PRRX1: variants seen among roughly 807,000 people sequenced by gnomAD.
The protein encoded by PRRX1 is paired related homeobox 1, also known as paired mesoderm homeobox protein 1.
PRRX1 carries 8 observed loss-of-function variants against 24.0 expected under a neutral mutation model. The observed-to-expected ratio is 0.33, with a 90% confidence interval of 0.20 to 0.60. The LOEUF is 0.60. Ranked by LOEUF, PRRX1 falls within the 20% of genes least tolerant of loss-of-function variation. The pLI, the probability that PRRX1 is intolerant of heterozygous loss-of-function variation, is 0.82. For missense variants in PRRX1, 281 were observed against 322.4 expected, an observed-to-expected ratio of 0.87 and a Z score of 0.98; for synonymous variants, 160 against 131.7, an observed-to-expected ratio of 1.22 and a Z score of -1.47.
chr1:170,709,183 G>T (rs1052849071), intron 1 of PRRX1, among the ~76,000 whole-genome samples: 1 of 152,164 alleles, frequency 6.6e-6, no homozygotes, highest in Admixed American at 6.5e-5. Flanking sequence ...GCTGGATGAA[G>T]AATAGTGAGA....
At chr1:170,689,969 A>C (rs1437384067) in intron 1 of PRRX1, among the ~76,000 whole-genome samples, 1 of 151,630 alleles carries the variant, frequency 6.6e-6, no homozygotes, top group Non-Finnish European at 1.5e-5. Context: ...ATTTTGTCTG[A>C]GAAAGACTGG....
At chr1:170,719,082 T>C (rs1383342988) in intron 1 of PRRX1, among the ~76,000 whole-genome samples, 1 of 152,180 alleles carries the variant, frequency 6.6e-6, no homozygotes, top group Admixed American at 6.5e-5. Flanking sequence ...TAGCTTGGGT[T>C]GATGGCATTG....
At chr1:170,711,968 A>C (rs904397483) in intron 1 of PRRX1, among the ~76,000 whole-genome samples, 3 of 152,248 alleles carry the variant, frequency 2.0e-5, no homozygotes, top group Non-Finnish European at 4.4e-5. Context: ...CTGAATAAAT[A>C]GTGAGTAATA....
chr1:170,705,935 T>TACACACAAACACACACACAC (rs1553253691), intron 1 of PRRX1, among the ~76,000 whole-genome samples: 9 of 146,536 alleles, frequency 6.1e-5, no homozygotes, highest in African/African-American at 2.2e-4. Context: ...CACACACACA[T>TACACACAAACACACACACAC]ACACACACAC....
At chr1:170,676,984 T>G (rs987003283) in intron 1 of PRRX1, among the ~76,000 whole-genome samples, 20 of 152,120 alleles carry the variant, frequency 1.3e-4, no homozygotes, top group Non-Finnish European at 2.9e-5. Context: ...ATTTGAGAAA[T>G]AAAGGGCTAA....
At chr1:170,707,132 G>GGAAAAA (rs1375065551) in intron 1 of PRRX1, among the ~76,000 whole-genome samples, 8 of 150,270 alleles carry the variant, frequency 5.3e-5, no homozygotes, top group Non-Finnish European at 1.2e-4. Context: ...CTTAAAAAAA[G>GGAAAAA]GAAAAAGAAA....
chr1:170,731,579 T>C (rs751125295), intron 3 of PRRX1, among the ~76,000 whole-genome samples: 1 of 152,236 alleles, frequency 6.6e-6, no homozygotes, highest in Non-Finnish European at 1.5e-5. Flanking sequence ...AAAATCGTAG[T>C]ACGAATAGTA....
chr1:170,711,022 A>G (rs745670937), intron 1 of PRRX1, among the ~76,000 whole-genome samples: 3 of 152,254 alleles, frequency 2.0e-5, no homozygotes, highest in Non-Finnish European at 4.4e-5. Flanking sequence ...AAAAAAGTCA[A>G]GCTTTAAGCC....
intron 1 of PRRX1, among the ~76,000 whole-genome samples, chr1:170,672,668 C>A (rs1571313369): frequency 6.6e-6 from 1 of 152,182 alleles, no homozygotes; most frequent in South Asian, 2.1e-4. Context: ...CCAATTCAAT[C>A]AAAATTTGAG....
At chr1:170,702,695 A>T (rs1283274540) in intron 1 of PRRX1, among the ~76,000 whole-genome samples, 1 of 152,178 alleles carries the variant, frequency 6.6e-6, no homozygotes, top group Non-Finnish European at 1.5e-5. Flanking sequence ...TAAAGGGTAA[A>T]CGCTCAAATT....
intron 1 of PRRX1, among the ~76,000 whole-genome samples, chr1:170,703,458 A>G (rs932115398): frequency 1.3e-5 from 2 of 152,378 alleles, no homozygotes; most frequent in African/African-American, 4.8e-5. Flanking sequence ...TTTGTTATTC[A>G]GAAATATTTA....
At chr1:170,699,055 G>A (rs954681201) in intron 1 of PRRX1, among the ~76,000 whole-genome samples, 2 of 152,188 alleles carry the variant, frequency 1.3e-5, no homozygotes, top group African/African-American at 4.8e-5. Context: ...GCTTTTAAAG[G>A]TTGTAATTTC....
At position 170,719,768 on chromosome 1, in the gene PRRX1, G is replaced by C; in HGVS notation, c.284G>C (p.Arg95Pro). Reference protein sequence around the residue: ...NSEEKKKRKQRRNRTTFNSSQ... With the variant: ...NSEEKKKRKQPRNRTTFNSSQ... ...GAAGAAAAAAAGAAGAGAAAGCAGC[G>C]AAGGAATAGGACAACCTTCAATAGC... The change falls in exon 2 of 4, where the codon CGA becomes CCA. Residue 95 changes from arginine to proline, a missense_variant. Transcript: ENST00000239461. 1.2e-6 allele frequency: 2 copies of C among 1,614,198 alleles called. No individual in the cohort carries two copies. The highest frequency in any genetic ancestry group is 8.5e-7 in the Non-Finnish European group (1 of 1,180,042).
At chr1:170,689,881 T>G (rs113145459) in intron 1 of PRRX1, among the ~76,000 whole-genome samples, 100 of 150,494 alleles carry the variant, frequency 6.6e-4, no homozygotes, top group African/African-American at 2.4e-3. Context: ...TCTCTGTGGG[T>G]GTGTGTGTGT....
chr1:170,667,702 T>G (rs1169131435), intron 1 of PRRX1: 1 of 152,124 alleles, frequency 6.6e-6, no homozygotes, highest in East Asian at 1.9e-4. Context: ...CTGGCGCTCT[T>G]TGTATCCCGC....
intron 2 of PRRX1, among the ~76,000 whole-genome samples, chr1:170,720,294 AC>A (rs1382462900): frequency 6.6e-6 from 1 of 152,086 alleles, no homozygotes; most frequent in African/African-American, 2.4e-5. Context: ...AAATAAACAA[AC>A]AAACAAATAA....
chr1:170,681,987 G>A (rs1243225577), intron 1 of PRRX1, among the ~76,000 whole-genome samples: 1 of 152,126 alleles, frequency 6.6e-6, no homozygotes, highest in Non-Finnish European at 1.5e-5. Context: ...GTTTGGAACT[G>A]GAAATTCATT....
intron 3 of PRRX1, 39 bp downstream of exon 3, chr1:170,726,440 A>T: frequency 6.3e-7 from 1 of 1,598,820 alleles, no homozygotes; most frequent in Non-Finnish European, 8.6e-7. Flanking sequence ...CCACTTCCAC[A>T]TGTTTCTCAG....
intron 3 of PRRX1, among the ~76,000 whole-genome samples, chr1:170,731,368 G>A (rs1439789094): frequency 6.6e-6 from 1 of 152,106 alleles, no homozygotes; most frequent in Non-Finnish European, 1.5e-5. Flanking sequence ...TAGACTTCTC[G>A]GCTGACAGAT....
Sources: allele counts gnomAD v4.1 joint callset (sites outside exome capture counted in the v4.1 genomes callset), GRCh38; gene constraint gnomAD v4.1.1; transcripts MANE v1.5; gene names NCBI Gene and HGNC (gene_info 2026-07-23, HGNC 2026-07-21).